Variants in DISP1 observed in about 807,000 individuals in gnomAD.
The protein encoded by DISP1 is dispatched RND transporter family member 1.
DISP1 carries 30 observed loss-of-function variants against 37.3 expected under a neutral mutation model. That is an observed-to-expected ratio of 0.80 (90% CI 0.60 to 1.09). DISP1 has a LOEUF of 1.09. DISP1 is among the 50% of genes least tolerant of loss of function. The pLI is 0.00. For missense variants in DISP1, 1,598 were observed against 1,879.5 expected (o/e 0.85, Z 2.77); for synonymous variants, 634 against 690.2 (o/e 0.92, Z 1.28).
At chr1:222,872,321 C>T (rs1669638256) in intron 1 of DISP1, 1 of 152,132 alleles carries the variant, frequency 6.6e-6, no homozygotes, top group Admixed American at 6.6e-5. Flanking sequence ...AAGGAGGATT[C>T]CCTCTTTTTC....
chr1:222,966,556 G>A (rs1304868413), intron 3 of DISP1, among the ~76,000 whole-genome samples: 2 of 152,074 alleles, frequency 1.3e-5, no homozygotes, highest in African/African-American at 4.8e-5. Flanking sequence ...ACTATGTAAG[G>A]TTTTGCTTAA....
chr1:222,976,072 G>A (rs1173118844), intron 3 of DISP1, among the ~76,000 whole-genome samples: 4 of 152,076 alleles, frequency 2.6e-5, no homozygotes, highest in African/African-American at 9.7e-5. Flanking sequence ...ACAGAAAAAT[G>A]TTCCCACTGA....
At chr1:222,919,345 G>C (rs2789961) in intron 1 of DISP1, among the ~76,000 whole-genome samples, 23,638 of 152,098 alleles carry the variant, frequency 0.16, 1,923 homozygotes, top group East Asian at 0.3. Flanking sequence ...CGCCCCGAGC[G>C]CAGTGTTTCT....
At chr1:222,820,589 G>A (rs1662597726) in intron 1 of DISP1, among the ~76,000 whole-genome samples, 1 of 152,162 alleles carries the variant, frequency 6.6e-6, no homozygotes, top group Admixed American at 6.5e-5. Flanking sequence ...TATTCTAGAA[G>A]CTTGCCAGGT....
At position 223,003,516 on chromosome 1, in the gene DISP1, GA is replaced by G; in HGVS notation, c.2124del (p.Val709TyrfsTer20). 6.2e-7 allele frequency: 1 copy of G among 1,613,904 alleles called. No homozygotes were observed. The highest frequency in any genetic ancestry group is 8.5e-7 in the Non-Finnish European group (1 of 1,179,976). ...TTCAGAAGCATCTCGAATTTTTTTC[GA>G]AAAAGTATTGCCATGCATTGTCATT... ...AISEASRIFF[E>X]KVLPCIVIKF... On this transcript the variant is annotated frameshift_variant, in exon 9 of 9. Transcript: ENST00000675850. LOFTEE classifies it low-confidence loss of function (END_TRUNC). The surrounding 1 kb of genome is among the most constrained non-coding windows in gnomAD (Gnocchi z 4.3).
At chr1:222,839,740 C>T (rs929555419) in intron 1 of DISP1, among the ~76,000 whole-genome samples, 1 of 152,074 alleles carries the variant, frequency 6.6e-6, no homozygotes, top group African/African-American at 2.4e-5. Flanking sequence ...CAAGACCATC[C>T]TGGCCAACAT....
chr1:222,915,000 G>GA (rs1193096119), intron 1 of DISP1, among the ~76,000 whole-genome samples: 1 of 151,868 alleles, frequency 6.6e-6, no homozygotes, highest in Admixed American at 6.6e-5. Flanking sequence ...GAAGGAAAGG[G>GA]AAAAAAAGAT....
intron 8 of DISP1, among the ~76,000 whole-genome samples, chr1:222,997,365 G>T (rs952311121): frequency 6.6e-6 from 1 of 152,080 alleles, no homozygotes; most frequent in Non-Finnish European, 1.5e-5. Flanking sequence ...TAACAAGTTT[G>T]TTTTTTAGAA....
chr1:222,824,108 TAA>T (rs76887698), intron 1 of DISP1, among the ~76,000 whole-genome samples: 14,286 of 152,094 alleles, frequency 0.094, 750 homozygotes, highest in African/African-American at 0.12. Flanking sequence ...ATTTATATAT[TAA>T]GTTACATATT....
chr1:222,984,372 C>T (rs1678065824), intron 4 of DISP1, among the ~76,000 whole-genome samples: 1 of 132,730 alleles, frequency 7.5e-6, no homozygotes, highest in Admixed American at 8.5e-5. Flanking sequence ...CCACTACACT[C>T]AAGCCTGGGT....
At chr1:222,953,480 C>T (rs1431596450) in intron 3 of DISP1, among the ~76,000 whole-genome samples, 3 of 152,178 alleles carry the variant, frequency 2.0e-5, no homozygotes, top group African/African-American at 4.8e-5. Flanking sequence ...GATGGTCACT[C>T]ATTTGCCTTC....
rs1020836644 is a variant in DISP1 at position 222,910,960 on chromosome 1, G to A, written c.-158-17470G>A. ...CCTTCTAGTAGGCACTGGGGTATCT[G>A]TATTGAGATAAATGAGATGGTATCC... On this transcript the variant is annotated intron_variant, in intron 1 of 8. Coordinates refer to ENST00000675850, the MANE Select transcript of DISP1 (RefSeq NM_001377229.1). Among the ~76,000 whole-genome samples the A allele has an allele frequency of 2.6e-5, 4 of 152,280 alleles. 1 individual carries two copies. Among genetic ancestry groups the A allele is most frequent in the Admixed American group, 1.3e-4 (2 of 15,284 alleles).
chr1:222,990,730 C>A lies in DISP1; in HGVS notation c.645C>A (p.Asp215Glu), dbSNP rs763811112. Residue 215 changes from aspartate (D) to glutamate (E), a missense_variant, in exon 5 of 9, where the codon GAC becomes GAA. Physicochemically the swap from Asp to Glu is conservative, Grantham distance 45. Coordinates refer to ENST00000675850, the MANE Select transcript of DISP1 (RefSeq NM_001377229.1). ...GAGTATTAGTGCCAGAGCTCCCTGA[C>A]TTCTCTGATCCATTGCTGGTAACTA... ...LVGVLVPELPDFSDPLLGFEP... is the reference protein window; with the variant it reads ...LVGVLVPELPEFSDPLLGFEP... 1 of 1,614,094 alleles carries A rather than the reference C, an allele frequency of 6.2e-7. No individual in the cohort carries two copies. The highest frequency in any genetic ancestry group is 8.5e-7 in the Non-Finnish European group (1 of 1,179,958).
At chr1:222,842,682 A>G (rs558043939) in intron 1 of DISP1, among the ~76,000 whole-genome samples, 2 of 152,174 alleles carry the variant, frequency 1.3e-5, no homozygotes, top group South Asian at 4.1e-4. Context: ...ATCTGTTAAC[A>G]CACAGGCTTT....
At chr1:222,994,412 T>G (rs1479538832) in intron 7 of DISP1, among the ~76,000 whole-genome samples, 2 of 152,206 alleles carry the variant, frequency 1.3e-5, no homozygotes, top group Non-Finnish European at 2.9e-5. Flanking sequence ...CAGCATTCTG[T>G]ACTTAGTTGG....
In DISP1 at chr1:223,003,523, T is replaced by C; in HGVS notation, c.2126T>C (p.Val709Ala). ...GCATCTCGAATTTTTTTCGAAAAAG[T>C]ATTGCCATGCATTGTCATTAAGTTT... ...SEASRIFFEK[V>A]LPCIVIKFRY... The change falls in exon 9 of 9, where the codon GTA becomes GCA. Residue 709 changes from valine to alanine, a missense_variant. Transcript: ENST00000675850. The surrounding 1 kb of genome is among the most constrained non-coding windows in gnomAD (Gnocchi z 4.3). 6.2e-7 allele frequency: 1 copy of C among 1,614,210 alleles called. No individual in the cohort carries two copies. The highest frequency in any genetic ancestry group is 8.5e-7 in the Non-Finnish European group (1 of 1,180,036).
At chr1:222,953,783 A>G (rs1218107942) in intron 3 of DISP1, among the ~76,000 whole-genome samples, 1 of 152,194 alleles carries the variant, frequency 6.6e-6, no homozygotes, top group African/African-American at 2.4e-5. Context: ...TATTTTTTAG[A>G]AAGACTTCTT....
intron 1 of DISP1, among the ~76,000 whole-genome samples, chr1:222,829,589 A>G (rs1374480900): frequency 6.6e-6 from 1 of 151,830 alleles, no homozygotes; most frequent in African/African-American, 2.4e-5. Flanking sequence ...ACAGGCGTGC[A>G]CCACCATGCC....
chr1:222,915,565 A>C (rs189321312), intron 1 of DISP1, among the ~76,000 whole-genome samples: 1 of 152,352 alleles, frequency 6.6e-6, no homozygotes, highest in Admixed American at 6.5e-5. Flanking sequence ...AGGAAAGCAA[A>C]TAGTGTTGGG....
Sources: gnomAD v4.1 joint callset for allele counts (sites outside exome capture counted in the v4.1 genomes callset) on GRCh38, gnomAD v4.1.1 for gene constraint, Gnocchi (gnomAD v3.1) non-coding constraint, MANE v1.5 for transcripts, NCBI Gene and HGNC (gene_info 2026-07-23, HGNC 2026-07-21) for gene names.